NLRP5: variants seen among roughly 807,000 people sequenced by gnomAD.
NLRP5 encodes the protein NACHT, LRR and PYD domains-containing protein 5.
Under a neutral mutation model 113.1 loss-of-function variants are expected in NLRP5, and 93 were observed. That is an observed-to-expected ratio of 0.82 (90% CI 0.70 to 0.98). NLRP5 has a LOEUF of 0.98. Among genes scored for constraint, NLRP5 ranks in the 50% least tolerant of loss-of-function variants. The pLI is 0.00. For missense variants in NLRP5, 1,808 were observed against 1,514.3 expected (o/e 1.19, Z -3.22); for synonymous variants, 751 against 600.7 (o/e 1.25, Z -3.66).
intron 3 of NLRP5, among the ~76,000 whole-genome samples, chr19:56,012,037 C>A (rs1038837853): frequency 1.3e-5 from 2 of 152,110 alleles, no homozygotes; most frequent in African/African-American, 4.8e-5. Flanking sequence ...TCATCTCTTA[C>A]ATGGTGAATC....
In NLRP5 at chr19:56,028,015, G is replaced by C. The variant is rs761615316; in HGVS notation, c.1782G>C (p.Leu594Phe). Residue 594 changes from leucine to phenylalanine, a missense_variant, in exon 7 of 15, where the codon TTG becomes TTC. Transcript: ENST00000390649. The stretch of plus-strand genomic sequence containing the variant: ...GTCTCCAGGACTTCTGTGCCGCCTT[G>C]TACTACGTGTTAGAGGGCCTGGAAA... The C allele has an allele frequency of 6.2e-7, 1 of 1,614,012 alleles. No individual in the cohort carries two copies. The highest frequency in any genetic ancestry group is 8.5e-7 in the Non-Finnish European group (1 of 1,179,898).
At chr19:56,042,436 C>T (rs117748533) in intron 11 of NLRP5, among the ~76,000 whole-genome samples, 4,845 of 152,162 alleles carry the variant, frequency 0.032, 116 homozygotes, top group Middle Eastern at 0.071. Flanking sequence ...CTCCACCTCC[C>T]CTCCCAGGTT....
At position 56,026,969 on chromosome 19, in the gene NLRP5, G is replaced by C; in HGVS notation, c.736G>C (p.Glu246Gln). The C allele has an allele frequency of 6.4e-7, 1 of 1,551,766 alleles. No individual in the cohort carries two copies. Among genetic ancestry groups the C allele is most frequent in the Non-Finnish European group, 8.7e-7 (1 of 1,147,000 alleles). ...TCACGTGATGACCAAATTCGCTGAGGAGGAGGATGTACGTCGTAGTTTTGA... is the reference window on the plus strand; with the variant it reads ...TCACGTGATGACCAAATTCGCTGAGCAGGAGGATGTACGTCGTAGTTTTGA... Residue 246 changes from glutamate to glutamine, a missense_variant, in exon 7 of 15, where the codon GAG (glutamate) becomes CAG (glutamine). Glu to Gln is a conservative substitution (Grantham distance 29, BLOSUM62 2). Coordinates refer to ENST00000390649, the MANE Select transcript of NLRP5 (RefSeq NM_153447.4).
Position 56,027,923 on chromosome 19 carries a change from C to A in NLRP5, c.1690C>A (p.Leu564Met). 6.2e-7 allele frequency: 1 copy of A among 1,613,866 alleles called. No homozygotes were observed. Among genetic ancestry groups the A allele is most frequent in the Middle Eastern group, 1.6e-4 (1 of 6,062 alleles). ...ACTCGGGGAGTCTGAGCTCCGTGCTCTGTTTCACATGAACATCCTTCTCCC... is the reference window on the plus strand; with the variant it reads ...ACTCGGGGAGTCTGAGCTCCGTGCTATGTTTCACATGAACATCCTTCTCCC... Residue 564 changes from leucine (L) to methionine (M), a missense_variant, in exon 7 of 15, where the codon CTG becomes ATG. Physicochemically the swap from Leu to Met is conservative, Grantham distance 15. Transcript: ENST00000390649.
At chr19:56,006,929 A>T (rs56176087) in intron 2 of NLRP5, among the ~76,000 whole-genome samples, 5 of 150,184 alleles carry the variant, frequency 3.3e-5, no homozygotes, top group South Asian at 2.1e-4. Context: ...TTAGTAGAGA[A>T]GGGGTTTCAC....
Position 56,019,383 on chromosome 19 carries a change from G to A in NLRP5, c.607G>A (p.Glu203Lys), listed in dbSNP as rs1982529698. 6.2e-7 allele frequency: 1 copy of A among 1,613,956 alleles called. No homozygotes were observed. The highest frequency in any genetic ancestry group is 1.6e-4 in the Middle Eastern group (1 of 6,062). ...GGAACAAGAAGGTGCCACAGCAGCA[G>A]AGACAGAAGAACAAGGTGAGGAAAA... The change falls in exon 5 of 15, where the codon GAG becomes AAG. Residue 203 changes from glutamate to lysine, a missense_variant. Transcript: ENST00000390649.
chr19:56,000,633 G>T (rs1328476174), intron 1 of NLRP5, among the ~76,000 whole-genome samples: 2 of 151,776 alleles, frequency 1.3e-5, no homozygotes, highest in Non-Finnish European at 2.9e-5. Context: ...CAAAGTGCTG[G>T]GATTACAGAC....
At chr19:56,037,926 C>T (rs1983379247) in intron 9 of NLRP5, 99 bp from the exon 10 acceptor site, 6 of 1,264,170 alleles carry the variant, frequency 4.7e-6, no homozygotes, top group Non-Finnish European at 5.5e-6. Flanking sequence ...AGTTCGAGGA[C>T]CAGGAAAACG....
At position 56,040,836 on chromosome 19, in the gene NLRP5, C is replaced by T. The variant is rs182130321; in HGVS notation, c.2787-86C>T. ...GGACATGCCAACTATGGGGGTGATA[C>T]GTCTTTCCCCTCCTTGTAAAGGAGG... On this transcript the variant is annotated intron_variant, in intron 10 of 14. Transcript: ENST00000390649. The T allele has an allele frequency of 4.2e-4, 485 of 1,160,532 alleles. 1 individual carries two copies. In the African/African-American group the frequency reaches 5.9e-3, roughly 14 times the overall value. The allele number at this position is 1,160,532 out of a possible 1,614,324, so 71.9% of individuals were successfully genotyped here.
In NLRP5 at chr19:56,006,408, A is replaced by G. The variant is rs541543469; in HGVS notation, c.442+2313A>G. On this transcript the variant is annotated intron_variant, in intron 2 of 14. Transcript: ENST00000390649. ...CCTGCACATTGTGCACATGTACCCT[A>G]GAACTTAAAGTATAATTTTAAAAAA... is the stretch of plus-strand genomic sequence containing the variant. Among the ~76,000 whole-genome samples the G allele has an allele frequency of 2.0e-5, 3 of 148,086 alleles. No homozygotes were observed. In the South Asian group the frequency reaches 6.4e-4, roughly 32 times the overall value.
At chr19:56,039,101 G>A (rs977443216) in intron 10 of NLRP5, among the ~76,000 whole-genome samples, 6 of 151,926 alleles carry the variant, frequency 3.9e-5, no homozygotes, top group Non-Finnish European at 5.9e-5. Flanking sequence ...ACCCTTCCTC[G>A]CTGAGTTCTC....
intron 4 of NLRP5, among the ~76,000 whole-genome samples, chr19:56,018,241 A>G (rs540766377): frequency 6.6e-6 from 1 of 152,322 alleles, no homozygotes; most frequent in East Asian, 1.9e-4. Flanking sequence ...GTGATTTTAA[A>G]AAATCTATAA....
intron 8 of NLRP5, among the ~76,000 whole-genome samples, chr19:56,033,044 A>G (rs1024528429): frequency 1.3e-5 from 2 of 152,002 alleles, no homozygotes; most frequent in Non-Finnish European, 2.9e-5. Context: ...TCAGGAGTTC[A>G]AGACCAGCCT....
At chr19:56,057,823 C>T (rs1361535566) in intron 13 of NLRP5, among the ~76,000 whole-genome samples, 2 of 151,998 alleles carry the variant, frequency 1.3e-5, no homozygotes, top group Non-Finnish European at 2.9e-5. Context: ...GTCAGGAGTT[C>T]AAGACCAACC....
chr19:56,013,596 G>GTTTTTTTTTGTTTTTTTTTTTTTTTTTTT (rs1555765384), intron 3 of NLRP5, among the ~76,000 whole-genome samples: 1 of 59,284 alleles, frequency 1.7e-5, no homozygotes, highest in African/African-American at 8.7e-5. Context: ...GGACATTTGG[G>GTTTTTTTTTGTTTTTTTTTTTTTTTTTTT]TTTTTTTTTT....
the NLRP5 span, among the ~76,000 whole-genome samples, chr19:55,992,583 G>C: frequency 6.6e-6 from 1 of 152,060 alleles, no homozygotes; most frequent in Non-Finnish European, 1.5e-5. Context: ...ATTCTCTGTA[G>C]GGCTTGTGTC....
the NLRP5 span, among the ~76,000 whole-genome samples, chr19:55,989,249 T>G: frequency 6.6e-6 from 1 of 152,064 alleles, no homozygotes; most frequent in African/African-American, 2.4e-5. Flanking sequence ...TTTTTAGTAT[T>G]TGGTGATTTT....
intron 2 of NLRP5, among the ~76,000 whole-genome samples, chr19:56,005,466 C>CATATTTAT (rs1568481803): frequency 0.031 from 4,439 of 142,092 alleles, 204 homozygotes; most frequent in Non-Finnish European, 0.048. Context: ...TATACACACA[C>CATATTTAT]ACATATTTAT....
chr19:56,004,425 C>T (rs1288482723), intron 2 of NLRP5, among the ~76,000 whole-genome samples: 1 of 152,188 alleles, frequency 6.6e-6, no homozygotes, highest in Non-Finnish European at 1.5e-5. Context: ...TCCTTCTGTT[C>T]TGACCCTTGG....
Sources: gnomAD v4.1 joint callset for allele counts (sites outside exome capture counted in the v4.1 genomes callset) on GRCh38, gnomAD v4.1.1 for gene constraint, MANE v1.5 for transcripts, NCBI Gene and HGNC (gene_info 2026-07-23, HGNC 2026-07-21) for gene names.